Variants in CCDC170 observed in about 807,000 individuals in gnomAD.
The protein encoded by CCDC170 is coiled-coil domain-containing protein 170.
CCDC170 carries 69 observed loss-of-function variants against 72.6 expected under a neutral mutation model. The observed-to-expected ratio is 0.95, with a 90% confidence interval of 0.78 to 1.16. CCDC170 has a LOEUF of 1.16. CCDC170 is among the 50% of genes most tolerant of loss of function. The pLI is 0.00. For synonymous variants in CCDC170, 300 were observed against 303.9 expected (o/e 0.99, Z 0.13); for missense variants, 852 against 832.5 (o/e 1.02, Z -0.29).
At chr6:151,588,365 A>G (rs986423622) in intron 7 of CCDC170, among the ~76,000 whole-genome samples, 3 of 152,212 alleles carry the variant, frequency 2.0e-5, no homozygotes, top group Non-Finnish European at 4.4e-5. Context: ...ACAACCATGC[A>G]TAATTTTTGA....
intron 4 of CCDC170, 74 bp downstream of exon 4, chr6:151,544,790 G>T: frequency 6.8e-7 from 1 of 1,480,890 alleles, no homozygotes; most frequent in South Asian, 1.3e-5. Flanking sequence ...GAAGTGCTGT[G>T]GTTGAGTTTG....
intron 1 of CCDC170, among the ~76,000 whole-genome samples, chr6:151,497,934 C>G (rs1369426627): frequency 7.2e-6 from 1 of 139,338 alleles, no homozygotes; most frequent in Non-Finnish European, 1.5e-5. Flanking sequence ...CAAGATTGTG[C>G]CACTGAACAC....
chr6:151,502,741 A>G (rs560050391), intron 1 of CCDC170, among the ~76,000 whole-genome samples: 4 of 152,354 alleles, frequency 2.6e-5, no homozygotes, highest in African/African-American at 9.6e-5. Flanking sequence ...TTAGTCACCC[A>G]CTTGACAAAC....
chr6:151,611,139 G>A (rs929441570), intron 9 of CCDC170, among the ~76,000 whole-genome samples: 2 of 152,148 alleles, frequency 1.3e-5, no homozygotes, highest in African/African-American at 4.8e-5. Flanking sequence ...AGCCAGGAGT[G>A]GTGGCGTGCG....
intron 3 of CCDC170, among the ~76,000 whole-genome samples, chr6:151,538,939 A>G (rs1015678851): frequency 6.6e-6 from 1 of 152,142 alleles, no homozygotes; most frequent in African/African-American, 2.4e-5. Flanking sequence ...CTCTTTCTCT[A>G]CTTCCACTTA....
chr6:151,562,624 T>C (rs1215150187), intron 5 of CCDC170, among the ~76,000 whole-genome samples: 1 of 152,198 alleles, frequency 6.6e-6, no homozygotes, highest in African/African-American at 2.4e-5. Flanking sequence ...AGATATTCTA[T>C]CTTCTGTAGG....
chr6:151,534,087 C>T (rs1379996649), intron 1 of CCDC170, among the ~76,000 whole-genome samples: 3 of 142,144 alleles, frequency 2.1e-5, no homozygotes, highest in African/African-American at 7.9e-5. Flanking sequence ...TTTTTTGAGA[C>T]AGGGTTTTGC....
intron 1 of CCDC170, among the ~76,000 whole-genome samples, chr6:151,525,218 C>T (rs999219317): frequency 2.6e-5 from 4 of 152,166 alleles, no homozygotes; most frequent in Non-Finnish European, 5.9e-5. Context: ...AGGCGTGAGC[C>T]ACCACACCCA....
rs757903116 is a variant in CCDC170 at position 151,542,271 on chromosome 6, A to T, written c.444-2301A>T. ...GTTTTCACTCTGCCACCCAGGCTGG[A>T]GTGCAGTGGCACAATTATGGCTCAC... On this transcript the variant is annotated intron_variant, in intron 3 of 10. Coordinates refer to ENST00000239374, the MANE Select transcript of CCDC170 (RefSeq NM_025059.4). Among the ~76,000 whole-genome samples, 35 of 151,096 alleles carry T rather than the reference A, an allele frequency of 2.3e-4. No individual in the cohort carries two copies. The South Asian group carries it at 2.7e-3, about 12-fold the overall frequency.
chr6:151,577,394 T>C (rs578233244), intron 6 of CCDC170, among the ~76,000 whole-genome samples: 66 of 152,330 alleles, frequency 4.3e-4, no homozygotes, highest in African/African-American at 1.5e-3. Flanking sequence ...AGTATTTAGA[T>C]GTTACTTAGC....
rs1776251022 is a variant in CCDC170, at chr6:151,573,291, C to T, written c.892C>T (p.Leu298=). ...TGCCTCAAAGCAGGAAGTGAGCCTC[C>T]TGAAGAAAAGCTCTTCTGAGTTGGA... The part of the protein sequence containing the change: ...WDASKQEVSL[L]KKSSSELEKS... The change falls in exon 6 of 11, where the codon CTG becomes TTG. Residue 298 remains leucine, a synonymous_variant. Coordinates refer to ENST00000239374, the MANE Select transcript of CCDC170 (RefSeq NM_025059.4). 1 of 1,614,064 alleles carries T rather than the reference C, an allele frequency of 6.2e-7. No homozygotes were observed. The highest frequency in any genetic ancestry group is 1.7e-5 in the Admixed American group (1 of 60,012).
chr6:151,607,676 C>A (rs901360450), intron 9 of CCDC170, among the ~76,000 whole-genome samples: 1 of 152,128 alleles, frequency 6.6e-6, no homozygotes, highest in Non-Finnish European at 1.5e-5. Context: ...CTCTCCTAAC[C>A]TGTAAGGTTT....
At chr6:151,552,972 G>A (rs1356239212) in intron 5 of CCDC170, among the ~76,000 whole-genome samples, 1 of 151,554 alleles carries the variant, frequency 6.6e-6, no homozygotes, top group Non-Finnish European at 1.5e-5. Context: ...ATTTTTAGTA[G>A]AGAGAGGTTT....
At chr6:151,576,021 A>G (rs1481493325) in intron 6 of CCDC170, among the ~76,000 whole-genome samples, 2 of 152,178 alleles carry the variant, frequency 1.3e-5, no homozygotes, top group Non-Finnish European at 2.9e-5. Flanking sequence ...TTAAATGGTA[A>G]CAGATATGCA....
intron 9 of CCDC170, among the ~76,000 whole-genome samples, chr6:151,603,882 C>T (rs558717458): frequency 6.6e-6 from 1 of 152,290 alleles, no homozygotes; most frequent in East Asian, 1.9e-4. Flanking sequence ...TTGGCCAGAA[C>T]TTAGTAACTT....
chr6:151,548,716 T>TTTAATTAA (rs35886070), intron 5 of CCDC170, among the ~76,000 whole-genome samples: 6 of 149,908 alleles, frequency 4.0e-5, no homozygotes, highest in East Asian at 2.0e-4. Context: ...TAATTTAAAT[T>TTTAATTAA]TTAATTAATT....
chr6:151,564,914 G>GGGGA (rs1174016622), intron 5 of CCDC170, among the ~76,000 whole-genome samples: 1 of 152,186 alleles, frequency 6.6e-6, no homozygotes, highest in African/African-American at 2.4e-5. Flanking sequence ...TGCTTTGATA[G>GGGGA]GGGAGGCGGT....
intron 2 of CCDC170, 88 bp from the exon 3 acceptor site, chr6:151,537,957 A>G: frequency 7.6e-7 from 1 of 1,307,530 alleles, no homozygotes. Context: ...AAGAGTGAAC[A>G]TTTAAATGAT....
intron 1 of CCDC170, among the ~76,000 whole-genome samples, chr6:151,520,190 G>A (rs919413829): frequency 3.9e-5 from 6 of 152,206 alleles, no homozygotes; most frequent in African/African-American, 1.2e-4. Flanking sequence ...GGAAGACATT[G>A]ATTACTTATT....
Sources: gnomAD v4.1 joint callset for allele counts (sites outside exome capture counted in the v4.1 genomes callset) on GRCh38, gnomAD v4.1.1 for gene constraint, MANE v1.5 for transcripts, NCBI Gene and HGNC (gene_info 2026-07-23, HGNC 2026-07-21) for gene names.